Variants in PRL observed in about 807,000 individuals in gnomAD.
PRL encodes prolactin.
Under a neutral mutation model 21.3 loss-of-function variants are expected in PRL, and 24 were observed. The observed-to-expected ratio is 1.13, with a 90% CI of 0.82 to 1.59. The LOEUF is 1.59. Among genes scored for constraint, PRL ranks in the 40% most tolerant of loss-of-function variants. PRL has a pLI of 0.00. For synonymous variants in PRL, 118 were observed against 115.7 expected, an observed-to-expected ratio of 1.02 and a Z score of -0.13; for missense variants, 243 against 286.9, an observed-to-expected ratio of 0.85 and a Z score of 1.10.
chr6:22,295,196 A>G (rs1761148879), intron 1 of PRL, among the ~76,000 whole-genome samples: 1 of 63,754 alleles, frequency 1.6e-5, no homozygotes, highest in Admixed American at 1.7e-4. Context: ...CGCCAAAAAC[A>G]TTAAATTTTT....
chr6:22,294,434 A>T lies in PRL; in HGVS notation c.179T>A (p.Leu60His). ...GAATTCGCTGAACATTTCTGAGGAGAGGTTATGGATGTAGTGGGACAGGAC... is the reference window on the plus strand; with the variant it reads ...GAATTCGCTGAACATTTCTGAGGAGTGGTTATGGATGTAGTGGGACAGGAC... ...AVVLSHYIHN[L>H]SSEMFSEFDK... The change falls in exon 2 of 5, where the codon CTC becomes CAC. Residue 60 changes from leucine to histidine, a missense_variant. By Grantham distance (99) the Leu-to-His change is moderately conservative (BLOSUM62 -3). Transcript: ENST00000306482. The T allele has an allele frequency of 6.2e-7, 1 of 1,613,952 alleles. No individual in the cohort carries two copies. The highest frequency in any genetic ancestry group is 1.1e-5 in the South Asian group (1 of 91,060).
chr6:22,299,495 T>C (rs183473555), upstream of PRL, among the ~76,000 whole-genome samples: 32 of 152,318 alleles, frequency 2.1e-4, no homozygotes, highest in African/African-American at 7.5e-4. Flanking sequence ...TGTTTTTAAG[T>C]TTGGAATAAT....
At chr6:22,298,489 T>C (rs1220476721), upstream of PRL, among the ~76,000 whole-genome samples, 4 of 152,216 alleles carry the variant, frequency 2.6e-5, no homozygotes, top group Non-Finnish European at 5.9e-5. Context: ...TAGAGCCACA[T>C]ATGTGCTTTA....
upstream of PRL, among the ~76,000 whole-genome samples, chr6:22,299,255 A>G (rs1761238776): frequency 6.6e-6 from 1 of 152,122 alleles, no homozygotes; most frequent in Non-Finnish European, 1.5e-5. Context: ...TTTGTTTGCC[A>G]TTTTTGGTCT....
At chr6:22,290,129 C>T in intron 4 of PRL, 45 bp downstream of exon 4, 1 of 1,470,308 alleles carries the variant, frequency 6.8e-7, no homozygotes, top group Non-Finnish European at 9.1e-7. Flanking sequence ...GAGGTCACCG[C>T]TTATATTAAT....
upstream of PRL, among the ~76,000 whole-genome samples, chr6:22,302,238 A>T (rs115518601): frequency 0.018 from 2,813 of 152,090 alleles, 90 homozygotes; most frequent in African/African-American, 0.063. Flanking sequence ...CAGATCGTAA[A>T]CCTTTTAAGT....
upstream of PRL, among the ~76,000 whole-genome samples, chr6:22,300,016 A>T (rs1425448108): frequency 6.6e-6 from 1 of 152,242 alleles, no homozygotes; most frequent in Non-Finnish European, 1.5e-5. Flanking sequence ...GAAATATGAA[A>T]TGATTAAAGG....
intron 2 of PRL, 25 bp downstream of exon 2, chr6:22,294,384 A>T (rs1157590572): frequency 6.2e-7 from 1 of 1,613,330 alleles, no homozygotes; most frequent in Non-Finnish European, 8.5e-7. Flanking sequence ...TCCTTCAGGG[A>T]GGAAGCCAGA....
intron 2 of PRL, 152 bp downstream of exon 2, chr6:22,294,257 G>T (rs1022455623): frequency 2.4e-6 from 2 of 818,674 alleles, no homozygotes; most frequent in African/African-American, 3.4e-5. Context: ...CTTTCTTCTT[G>T]TTCCACATCT....
upstream of PRL, among the ~76,000 whole-genome samples, chr6:22,297,981 C>T (rs1761212538): frequency 6.6e-6 from 1 of 152,058 alleles, no homozygotes; most frequent in African/African-American, 2.4e-5. Flanking sequence ...TCCTGTGGAC[C>T]CACTTCTAAG....
intron 2 of PRL, among the ~76,000 whole-genome samples, chr6:22,293,612 GAGGAGGGA>G (rs1439476419): frequency 1.3e-4 from 4 of 29,828 alleles, no homozygotes; most frequent in African/African-American, 4.9e-4. Context: ...GGAAGGAAGG[GAGGAGGGA>G]AGGAGGGAAG....
In PRL at chr6:22,287,608, A is replaced by C. The variant is rs1561752540; in HGVS notation, c.493-15T>G. The C allele has an allele frequency of 6.4e-6, 10 of 1,567,302 alleles. No homozygotes were observed. The East Asian group carries it at 2.0e-4, about 32-fold the overall frequency. ...TCAGGATGAACCTAATCACACAAAA[A>C]AAGAGTGACTTATTCTTCATATTAT... On this transcript the variant is annotated splice_polypyrimidine_tract_variant and intron_variant, in intron 4 of 4. Coordinates refer to ENST00000306482, the MANE Select transcript of PRL (RefSeq NM_000948.6).
chr6:22,294,613 G>T (rs752183014), intron 1 of PRL, 29 bp from the exon 2 acceptor site: 3 of 1,519,860 alleles, frequency 2.0e-6, no homozygotes, highest in South Asian at 2.6e-5. Context: ...GAGCCACTCT[G>T]AGATGATTTA....
intron 3 of PRL, among the ~76,000 whole-genome samples, chr6:22,291,543 C>G (rs1761049316): frequency 6.6e-6 from 1 of 151,956 alleles, no homozygotes; most frequent in East Asian, 1.9e-4. Flanking sequence ...CTCCAATGAG[C>G]ATTTTTTTTT....
At chr6:22,292,103 C>T (rs1761063119) in intron 3 of PRL, among the ~76,000 whole-genome samples, 1 of 152,158 alleles carries the variant, frequency 6.6e-6, no homozygotes, top group Admixed American at 6.5e-5. Flanking sequence ...AAGTCCAGAA[C>T]AGATGGCTCC....
In PRL at chr6:22,288,702, G is replaced by A. The variant is rs901780567; in HGVS notation, c.493-1109C>T. Among the ~76,000 whole-genome samples, 1 of 152,136 alleles carries A rather than the reference G, an allele frequency of 6.6e-6. No individual in the cohort carries two copies. Among genetic ancestry groups the A allele is most frequent in the Admixed American group, 6.5e-5 (1 of 15,276 alleles). The stretch of plus-strand genomic sequence containing the variant: ...CCTTTGCAAACCAGGAAAGCCCAGA[G>A]GTCTTAGAGACCAAGTAACCATTTT... On this transcript the variant is annotated intron_variant, in intron 4 of 4. Transcript: ENST00000306482. The surrounding 1 kb of genome is among the most constrained non-coding windows in gnomAD (Gnocchi z 4.5).
upstream of PRL, among the ~76,000 whole-genome samples, chr6:22,302,067 A>G (rs556623549): frequency 6.6e-6 from 1 of 152,306 alleles, no homozygotes. Context: ...GAAACTAAAA[A>G]ATACACTTGT....
exon 1 of PRL, among the ~76,000 whole-genome samples, chr6:22,302,777 G>C (rs1440126603): frequency 6.6e-6 from 1 of 152,042 alleles, no homozygotes; most frequent in East Asian, 1.9e-4. Flanking sequence ...TGTATGTTCC[G>C]ATTCTTCTTG....
At chr6:22,294,282 T>TCGGTGG in intron 2 of PRL, 127 bp downstream of exon 2, 1 of 1,071,532 alleles carries the variant, frequency 9.3e-7, no homozygotes, top group Admixed American at 2.0e-5. Flanking sequence ...AGCTGGTGTC[T>TCGGTGG]TCTTTCACAT....
Sources: allele counts gnomAD v4.1 joint callset (sites outside exome capture counted in the v4.1 genomes callset), GRCh38; gene constraint gnomAD v4.1.1; non-coding constraint Gnocchi (gnomAD v3.1); transcripts MANE v1.5; gene names NCBI Gene and HGNC (gene_info 2026-07-23, HGNC 2026-07-21).